The following NEDD1 variants were observed in gnomAD, a reference collection of about 807,000 sequenced individuals.
NEDD1 encodes the protein NEDD1 gamma-tubulin ring complex targeting factor.
NEDD1 carries 33 observed loss-of-function variants against 74.0 expected under a neutral mutation model. That is an observed-to-expected ratio of 0.45 (90% CI 0.34 to 0.60). The LOEUF (loss-of-function observed/expected upper bound fraction) is 0.60. Among genes scored for constraint, NEDD1 ranks in the 20% least tolerant of loss-of-function variants. The pLI is 0.01. For missense variants in NEDD1, 746 were observed against 776.5 expected, an observed-to-expected ratio of 0.96 and a Z score of 0.47; for synonymous variants, 250 against 264.4, an observed-to-expected ratio of 0.95 and a Z score of 0.53.
chr12:96,924,012 GTTTT>G (rs1408020948), intron 6 of NEDD1, among the ~76,000 whole-genome samples: 1 of 151,972 alleles, frequency 6.6e-6, no homozygotes, highest in Non-Finnish European at 1.5e-5. Flanking sequence ...AAGCTTTGTT[GTTTT>G]ATCTTTCTTA....
chr12:96,944,313 T>G (rs1435153076), intron 12 of NEDD1, among the ~76,000 whole-genome samples: 1 of 152,072 alleles, frequency 6.6e-6, no homozygotes, highest in Admixed American at 6.6e-5. Flanking sequence ...TGATTTATTT[T>G]GCAAATATTA....
At chr12:96,923,463 G>C (rs1477198649) in intron 6 of NEDD1, among the ~76,000 whole-genome samples, 1 of 152,102 alleles carries the variant, frequency 6.6e-6, no homozygotes, top group Non-Finnish European at 1.5e-5. Flanking sequence ...GTGAAATCCA[G>C]CTGGCTGTGA....
At chr12:96,909,989 T>A in intron 3 of NEDD1, 94 bp downstream of exon 3, 1 of 1,351,850 alleles carries the variant, frequency 7.4e-7, no homozygotes, top group Non-Finnish European at 1.0e-6. Flanking sequence ...ATGTGCCTCA[T>A]ACTGAGTAAT....
intron 4 of NEDD1, among the ~76,000 whole-genome samples, chr12:96,914,377 C>T (rs1000771912): frequency 2.0e-5 from 3 of 152,030 alleles, no homozygotes; most frequent in African/African-American, 2.4e-5. Flanking sequence ...TGACATAATT[C>T]TAAGAGTTTT....
chr12:96,922,038 A>G (rs187673235), intron 6 of NEDD1, among the ~76,000 whole-genome samples: 1 of 152,332 alleles, frequency 6.6e-6, no homozygotes, highest in East Asian at 1.9e-4. Flanking sequence ...TGAATATAGT[A>G]TTGATGTAAG....
At chr12:96,949,765 T>G (rs1878530297) in intron 14 of NEDD1, among the ~76,000 whole-genome samples, 1 of 151,974 alleles carries the variant, frequency 6.6e-6, no homozygotes, top group Admixed American at 6.6e-5. Flanking sequence ...AATAGAGAGG[T>G]AGCATTGCAG....
At chr12:96,940,109 A>C (rs1317320771) in intron 9 of NEDD1, among the ~76,000 whole-genome samples, 1 of 152,050 alleles carries the variant, frequency 6.6e-6, no homozygotes, top group African/African-American at 2.4e-5. Context: ...TATTTTAGAA[A>C]AATTCCAACA....
chr12:96,942,255 G>A (rs1259066385), intron 10 of NEDD1, among the ~76,000 whole-genome samples: 2 of 152,080 alleles, frequency 1.3e-5, no homozygotes, highest in African/African-American at 2.4e-5. Flanking sequence ...AGGTCACAAA[G>A]CTATTAAGTG....
chr12:96,913,627 C>T (rs1393724360), intron 4 of NEDD1, among the ~76,000 whole-genome samples: 2 of 152,144 alleles, frequency 1.3e-5, no homozygotes, highest in Non-Finnish European at 2.9e-5. Flanking sequence ...CCGCCTCAGC[C>T]TCCCAAAGTG....
intron 3 of NEDD1, among the ~76,000 whole-genome samples, chr12:96,910,235 A>C (rs1450847569): frequency 6.8e-6 from 1 of 146,230 alleles, no homozygotes; most frequent in African/African-American, 2.5e-5. Context: ...TGTGGAAATA[A>C]TTCCAAAAGG....
chr12:96,937,500 T>C (rs1877252215), intron 9 of NEDD1, 107 bp downstream of exon 9: 1 of 510,470 alleles, frequency 2.0e-6, no homozygotes, highest in Non-Finnish European at 3.4e-6. Context: ...AGAACTCAAA[T>C]TTATTTGAGT....
intron 15 of NEDD1, 48 bp from the exon 16 acceptor site, chr12:96,951,897 CAAAT>C (rs1259368508): frequency 1.6e-5 from 15 of 962,992 alleles, no homozygotes; most frequent in East Asian, 9.8e-5. Context: ...CATAGCCTGC[CAAAT>C]AAATGTGAAA....
chr12:96,949,509 TCCAATTAAAATC>T (rs1214721776), intron 14 of NEDD1, among the ~76,000 whole-genome samples: 1 of 152,058 alleles, frequency 6.6e-6, no homozygotes, highest in Non-Finnish European at 1.5e-5. Context: ...TGAATGCAAT[TCCAATTAAAATC>T]CCAGCTGGGA....
chr12:96,944,963 A>G (rs1878054692), intron 13 of NEDD1, among the ~76,000 whole-genome samples, 168 bp downstream of exon 13: 1 of 152,104 alleles, frequency 6.6e-6, no homozygotes, highest in Non-Finnish European at 1.5e-5. Flanking sequence ...AATGAAATGG[A>G]TATGAATCGT....
chr12:96,913,374 C>CTT (rs544128918), intron 4 of NEDD1, among the ~76,000 whole-genome samples: 1 of 145,988 alleles, frequency 6.8e-6, no homozygotes, highest in South Asian at 2.2e-4. Context: ...TTGCCTTATC[C>CTT]TTTTTTTTTT....
At chr12:96,912,224 A>G (rs371188637) in intron 3 of NEDD1, among the ~76,000 whole-genome samples, 1 of 152,156 alleles carries the variant, frequency 6.6e-6, no homozygotes, top group African/African-American at 2.4e-5. Flanking sequence ...GAAACATTCT[A>G]TCACAAAAAT....
At chr12:96,926,675 G>A (rs1706016461) in intron 6 of NEDD1, among the ~76,000 whole-genome samples, 1 of 151,630 alleles carries the variant, frequency 6.6e-6, no homozygotes, top group African/African-American at 2.4e-5. Context: ...GTTTTGTTAA[G>A]ATTTCTCAAA....
At chr12:96,930,205 ACACACACTCT>A (rs1350389303) in intron 6 of NEDD1, among the ~76,000 whole-genome samples, 20 of 76,510 alleles carry the variant, frequency 2.6e-4, no homozygotes, top group African/African-American at 9.5e-4. Context: ...ACACACACAC[ACACACACTCT>A]CTCTCTCTCT....
At chr12:96,930,323 T>C (rs1422922897) in intron 6 of NEDD1, among the ~76,000 whole-genome samples, 1 of 151,940 alleles carries the variant, frequency 6.6e-6, no homozygotes, top group Admixed American at 6.6e-5. Context: ...ATTCTGTATA[T>C]AGTCATACTC....
Sources: allele counts gnomAD v4.1 joint callset (sites outside exome capture counted in the v4.1 genomes callset), GRCh38; gene constraint gnomAD v4.1.1; transcripts MANE v1.5; gene names NCBI Gene and HGNC (gene_info 2026-07-23, HGNC 2026-07-21).